The following VWF variants were observed in gnomAD, a reference collection of about 807,000 sequenced individuals.
VWF encodes von Willebrand factor, also known as Factor VIII related antigen.
VWF carries 176 observed loss-of-function variants against 308.6 expected under a neutral mutation model. The observed-to-expected ratio is 0.57, with a 90% CI of 0.50 to 0.65. The LOEUF is 0.65. VWF is among the 30% of genes least tolerant of loss of function. VWF has a pLI of 0.00. For synonymous variants in VWF, 1,385 were observed against 1,443.4 expected (o/e 0.96, Z 0.92); for missense variants, 3,146 against 3,648.2 (o/e 0.86, Z 3.55).
intron 10 of VWF, among the ~76,000 whole-genome samples, chr12:6,066,095 C>A (rs904022969): frequency 4.6e-5 from 7 of 152,328 alleles, no homozygotes; most frequent in African/African-American, 1.7e-4. Context: ...CCCTGCAACC[C>A]AAAGCCCTCA....
chr12:6,051,100 A>T (rs1003230798), intron 16 of VWF, among the ~76,000 whole-genome samples: 2 of 152,144 alleles, frequency 1.3e-5, no homozygotes, highest in Non-Finnish European at 2.9e-5. Context: ...AGGTGAAATG[A>T]TGTAATATTT....
intron 18 of VWF, among the ~76,000 whole-genome samples, chr12:6,040,554 A>C (rs549084914): frequency 6.6e-6 from 1 of 152,320 alleles, no homozygotes; most frequent in East Asian, 1.9e-4. Context: ...TACAGATAAG[A>C]AAATTAAGAC....
At position 5,993,905 on chromosome 12, in the gene VWF, C is replaced by T; in HGVS notation, c.6555G>A (p.Arg2185=). Residue 2185 remains arginine (R), a synonymous_variant, in exon 37 of 52, where the codon CGG becomes CGA. Transcript: ENST00000261405. ...TCCAGTCAACGCAGACCCCGTTGGTCCGACAGAGGTGGGCATAAGAGGCGA... is the reference window on the plus strand; with the variant it reads ...TCCAGTCAACGCAGACCCCGTTGGTTCGACAGAGGTGGGCATAAGAGGCGA... ...EVIASYAHLC[R]TNGVCVDWRT... 1.2e-6 allele frequency: 2 copies of T among 1,613,896 alleles called. No individual in the cohort carries two copies. The highest frequency in any genetic ancestry group is 1.7e-6 in the Non-Finnish European group (2 of 1,180,008).
intron 11 of VWF, 72 bp downstream of exon 11, chr12:6,065,065 G>T: frequency 6.2e-7 from 1 of 1,607,450 alleles, no homozygotes; most frequent in Non-Finnish European, 8.5e-7. Flanking sequence ...TCCAGGGACT[G>T]CCCATTCAGC....
Position 5,967,605 on chromosome 12 carries a change from G to A in VWF, c.7771-3C>T. On this transcript the variant is annotated splice_region_variant and splice_polypyrimidine_tract_variant and intron_variant, in intron 46 of 51. Coordinates refer to ENST00000261405, the MANE Select transcript of VWF (RefSeq NM_000552.5). ...TCGATCATCACAGTCTTCCCGGGCTGGAAGCAGAGGCACCAGGGTCAGGCC... is the reference window on the plus strand; with the variant it reads ...TCGATCATCACAGTCTTCCCGGGCTAGAAGCAGAGGCACCAGGGTCAGGCC... 1 of 1,613,210 alleles carries A rather than the reference G, an allele frequency of 6.2e-7. No individual in the cohort carries two copies.
At chr12:6,122,714 G>A (rs180993614) in intron 2 of VWF, 29 of 521,616 alleles carry the variant, frequency 5.6e-5, no homozygotes, top group African/African-American at 5.0e-4. Context: ...CTGGAACCCA[G>A]GAAGACTGAC....
chr12:6,029,174 T>C (rs981398489), intron 22 of VWF, among the ~76,000 whole-genome samples, 168 bp downstream of exon 22: 10 of 150,912 alleles, frequency 6.6e-5, no homozygotes, highest in African/African-American at 2.4e-4. Flanking sequence ...CATTACATAA[T>C]GGTAAAGGGA....
intron 19 of VWF, among the ~76,000 whole-genome samples, chr12:6,035,930 T>C (rs2136431682): frequency 6.6e-6 from 1 of 152,382 alleles, no homozygotes; most frequent in Admixed American, 6.5e-5. Context: ...CACAAAACTT[T>C]GTTTCATGCA....
chr12:6,047,068 T>C (rs752388886), intron 16 of VWF, among the ~76,000 whole-genome samples: 6 of 152,130 alleles, frequency 3.9e-5, no homozygotes, highest in Non-Finnish European at 7.4e-5. Flanking sequence ...TCCACTCTTC[T>C]AGAAAAAAAA....
intron 47 of VWF, among the ~76,000 whole-genome samples, chr12:5,958,889 T>C (rs928107991): frequency 2.6e-5 from 4 of 152,102 alleles, no homozygotes; most frequent in African/African-American, 7.2e-5. Flanking sequence ...TAGATAGGAC[T>C]AGAGACAGCC....
chr12:5,974,133 G>C (rs1288563055), intron 43 of VWF, among the ~76,000 whole-genome samples: 1 of 152,124 alleles, frequency 6.6e-6, no homozygotes, highest in South Asian at 2.1e-4. Flanking sequence ...ATGAGCCCAA[G>C]TGCCTCTGAG....
Position 6,044,362 on chromosome 12 carries a change from T to C in VWF, c.2371A>G (p.Thr791Ala), listed in dbSNP as rs767559740. The change falls in exon 18 of 52, where the codon ACG becomes GCG. Residue 791 changes from threonine to alanine, a missense_variant. Coordinates refer to ENST00000261405, the MANE Select transcript of VWF (RefSeq NM_000552.5). ...CACTCCAGGTCATAGTTCTGGCACG[T>C]TTTGGTACACTCGAGCCCTTCAGCC... is the stretch of plus-strand genomic sequence containing the variant. ...LRAEGLECTK[T>A]CQNYDLECMS... 1.9e-6 allele frequency: 3 copies of C among 1,614,088 alleles called. No homozygotes were observed. In the South Asian group the frequency reaches 3.3e-5, roughly 18 times the overall value.
intron 5 of VWF, among the ~76,000 whole-genome samples, chr12:6,108,203 A>G (rs549143694): frequency 6.6e-6 from 1 of 151,800 alleles, no homozygotes; most frequent in Non-Finnish European, 1.5e-5. Context: ...CTGAGGTAGA[A>G]GAATCGCTTG....
At position 6,103,429 on chromosome 12, in the gene VWF, CACGT is replaced by C. The variant is rs1482458730; in HGVS notation, c.532+6941_532+6944del. On this transcript the variant is annotated intron_variant, in intron 5 of 51. Transcript: ENST00000261405. ...GTGTATACACACGTGTGTGTATACA[CACGT>C]GTGTATATACATACACATATATGTG... 1.1e-4 allele frequency among the ~76,000 whole-genome samples: 13 copies of C among 119,048 alleles called. 2 individuals carry two copies. Among genetic ancestry groups the C allele is most frequent in the African/African-American group, 4.1e-4 (8 of 19,580 alleles). 78.1% of individuals were successfully genotyped at this position (119,048 alleles called of 152,430 possible). A position where few individuals can be genotyped will look rare whatever the true frequency, so the allele number is the denominator to read the frequency against.
chr12:6,095,403 C>G, intron 6 of VWF, 57 bp downstream of exon 6: 1 of 1,612,696 alleles, frequency 6.2e-7, no homozygotes, highest in Admixed American at 1.7e-5. Context: ...GTCCTTCTGT[C>G]TTTTAGATCC....
In VWF at chr12:6,118,930, G is replaced by T. The variant is rs559805213; in HGVS notation, c.220+2244C>A. Among the ~76,000 whole-genome samples the T allele has an allele frequency of 3.3e-5, 5 of 152,304 alleles. No homozygotes were observed. The East Asian group carries it at 9.7e-4, about 29-fold the overall frequency. ...AGCTGCAGCCTCTGAAGCAAGTTGGGACCCTCACGGTCAGTGTTGAGGATG... is the reference window on the plus strand; with the variant it reads ...AGCTGCAGCCTCTGAAGCAAGTTGGTACCCTCACGGTCAGTGTTGAGGATG... On this transcript the variant is annotated intron_variant, in intron 3 of 51. Transcript: ENST00000261405.
rs758185902 is a variant in VWF, at chr12:6,052,709, A to G, written c.2020T>C (p.Tyr674His). Residue 674 changes from tyrosine (Y) to histidine (H), a missense_variant, in exon 16 of 52, where the codon TAC (tyrosine) becomes CAC (histidine). Tyr to His is a moderately conservative substitution (Grantham distance 83). Around this residue, in one of 3 missense-constraint regions of VWF, gnomAD observed 1,304 missense variants for 1,353.0 expected, o/e 0.96. Coordinates refer to ENST00000261405, the MANE Select transcript of VWF (RefSeq NM_000552.5). ...PCNLTCRSLS[Y>H]PDEECNEACL... is the part of the protein sequence containing the mutation. ...GCCTCATTGCATTCCTCATCCGGGT[A>G]AGAGAGAGAGCGGCAGGTCAGGTTG... 4.3e-6 allele frequency: 7 copies of G among 1,614,002 alleles called. No individual in the cohort carries two copies. The Admixed American group carries it at 5.0e-5, about 12-fold the overall frequency.
At chr12:5,981,668 G>A (rs2136370994) in intron 42 of VWF, 118 bp downstream of exon 42, 1 of 1,183,112 alleles carries the variant, frequency 8.5e-7, no homozygotes, top group African/African-American at 1.5e-5. Context: ...ATGTTGCTTA[G>A]CAAATATTGG....
intron 34 of VWF, among the ~76,000 whole-genome samples, chr12:6,009,478 G>A (rs140857786): frequency 2.8e-4 from 42 of 150,248 alleles, no homozygotes; most frequent in African/African-American, 9.8e-4. Flanking sequence ...GAAATACCAC[G>A]TGTTAACAAG....
Sources: allele counts gnomAD v4.1 joint callset (sites outside exome capture counted in the v4.1 genomes callset), GRCh38; gene constraint gnomAD v4.1.1; regional missense constraint gnomAD v4.1.1; transcripts MANE v1.5; gene names NCBI Gene and HGNC (gene_info 2026-07-23, HGNC 2026-07-21).